Variants in DENND4B observed in about 807,000 individuals in gnomAD.
DENND4B encodes the protein DENN domain-containing protein 4B.
DENND4B carries 67 observed loss-of-function variants against 161.0 expected under a neutral mutation model. That is an observed-to-expected ratio of 0.42 (90% CI 0.34 to 0.51). The LOEUF (loss-of-function observed/expected upper bound fraction) is 0.51. Among genes scored for constraint, DENND4B ranks in the 20% least tolerant of loss-of-function variants. The pLI is 0.08. For synonymous variants in DENND4B, 753 were observed against 813.8 expected (o/e 0.93, Z 1.27); for missense variants, 1,481 against 1,968.0 (o/e 0.75, Z 4.68).
rs769389265 is a variant in DENND4B, at chr1:153,936,602, C to T, written c.2379G>A (p.Leu793=). 1.9e-6 allele frequency: 3 copies of T among 1,612,204 alleles called. No individual in the cohort carries two copies. The highest frequency in any genetic ancestry group is 2.5e-6 in the Non-Finnish European group (3 of 1,178,984). The change falls in exon 16 of 28, where the codon CTG becomes CTA. Residue 793 remains leucine, a synonymous_variant. Transcript: ENST00000361217. The surrounding 1 kb of genome is among the most constrained non-coding windows in gnomAD (Gnocchi z 4.1). ...GGCGCAGCACATGGTAGGCTGTGTG[C>T]AGTGCCTGCACTCGGGAGGGTGCCG... The part of the protein sequence containing the change: ...VRSAPSRVQA[L]HTAYHVLRQM...
Position 153,946,145 on chromosome 1 carries a change from C to A in DENND4B, c.-24+156G>T, listed in dbSNP as rs1012720902. Among the ~76,000 whole-genome samples, 10 of 152,220 alleles carry A rather than the reference C, an allele frequency of 6.6e-5. No individual in the cohort carries two copies. Among genetic ancestry groups the A allele is most frequent in the African/African-American group, 2.4e-4 (10 of 41,560 alleles). ...CACGGCGAGCTAATTGCGGGAGGTG[C>A]CCTCCCCTCCACTTTCACTTCCCCA... On this transcript the variant is annotated intron_variant, in intron 1 of 27. Coordinates refer to ENST00000361217, the MANE Select transcript of DENND4B (RefSeq NM_014856.3). The surrounding 1 kb of genome is among the most constrained non-coding windows in gnomAD (Gnocchi z 6.3).
Position 153,934,976 on chromosome 1 carries a change from A to G in DENND4B, c.2569-12T>C. 1 of 1,608,542 alleles carries G rather than the reference A, an allele frequency of 6.2e-7. No homozygotes were observed. Among genetic ancestry groups the G allele is most frequent in the Non-Finnish European group, 8.5e-7 (1 of 1,179,528 alleles). ...CTTTCCAACACAGCCTACCAAGCAC[A>G]GTGCCCATCAGGATGGCCTACCTCG... On this transcript the variant is annotated splice_polypyrimidine_tract_variant and intron_variant, in intron 17 of 27. Coordinates refer to ENST00000361217, the MANE Select transcript of DENND4B (RefSeq NM_014856.3). The surrounding 1 kb of genome is among the most constrained non-coding windows in gnomAD (Gnocchi z 5.3).
intron 13 of DENND4B, among the ~76,000 whole-genome samples, chr1:153,938,624 C>A (rs1373469314): frequency 6.6e-6 from 1 of 151,506 alleles, no homozygotes; most frequent in Non-Finnish European, 1.5e-5. Flanking sequence ...ATGGCGTGAA[C>A]CCGGGAGGCA....
chr1:153,937,660 G>A lies in DENND4B; in HGVS notation c.2106-46C>T, dbSNP rs779653494. ...AACATCGGGGCAGTCAGCACAGGGC[G>A]AAGCGAGTTGGACTGGACCAGTCTA... On this transcript the variant is annotated intron_variant, in intron 14 of 27. Coordinates refer to ENST00000361217, the MANE Select transcript of DENND4B (RefSeq NM_014856.3). This position sits in a 1 kb window ranked among gnomAD's most constrained non-coding sequence, Gnocchi z 4.7. 12 of 1,612,602 alleles carry A rather than the reference G, an allele frequency of 7.4e-6. No homozygotes were observed. Among genetic ancestry groups the A allele is most frequent in the East Asian group, 4.5e-5 (2 of 44,868 alleles).
In DENND4B at chr1:153,934,218, G is replaced by A; in HGVS notation, c.2858C>T (p.Ser953Leu). ...ACTCTTCACCAGGCGTCCAGGGGGT[G>A]AGGCTGGGTCTCTCAGACTTCGCCC... Reference protein sequence around the residue: ...WAGRSLRDPASPPGRLVKSGS... With the variant: ...WAGRSLRDPALPPGRLVKSGS... The change falls in exon 19 of 28, where the codon TCA (serine) becomes TTA (leucine). Residue 953 changes from serine to leucine, a missense_variant. Physicochemically the swap from Ser to Leu is moderately radical, Grantham distance 145. Around this residue, in one of 3 missense-constraint regions of DENND4B, gnomAD observed 339 missense variants for 330.3 expected, o/e 1.03. Transcript: ENST00000361217. The surrounding 1 kb of genome is among the most constrained non-coding windows in gnomAD (Gnocchi z 5.3). The A allele has an allele frequency of 1.9e-6, 3 of 1,605,710 alleles. No individual in the cohort carries two copies. The highest frequency in any genetic ancestry group is 2.2e-5 in the East Asian group (1 of 44,650).
chr1:153,940,897 C>A lies in DENND4B; in HGVS notation c.1326+7G>T. The A allele has an allele frequency of 6.4e-7, 1 of 1,561,956 alleles. No individual in the cohort carries two copies. Among genetic ancestry groups the A allele is most frequent in the Non-Finnish European group, 8.6e-7 (1 of 1,157,488 alleles). ...GGGGAAGATGGGCCAGGCGGGGCGG[C>A]ACTCACCGAGACGAGGGCCTCACAG... On this transcript the variant is annotated splice_region_variant and intron_variant, in intron 9 of 27. Transcript: ENST00000361217. This position sits in a 1 kb window ranked among gnomAD's most constrained non-coding sequence, Gnocchi z 5.6.
Position 153,932,814 on chromosome 1 carries a change from C to G in DENND4B, c.3624-37G>C, listed in dbSNP as rs1173905335. The G allele has an allele frequency of 6.2e-7, 1 of 1,613,260 alleles. No homozygotes were observed. The highest frequency in any genetic ancestry group is 1.1e-5 in the South Asian group (1 of 91,030). On this transcript the variant is annotated intron_variant, in intron 22 of 27. Transcript: ENST00000361217. This position sits in a 1 kb window ranked among gnomAD's most constrained non-coding sequence, Gnocchi z 5.8. ...TAGCAGCAGGGGTCAGCTTTTGGACCTTCACCTCCCTATTCCCACCCACAG... is the reference window on the plus strand; with the variant it reads ...TAGCAGCAGGGGTCAGCTTTTGGACGTTCACCTCCCTATTCCCACCCACAG...
chr1:153,933,183 G>GTGTGTGCTATGT lies in DENND4B; in HGVS notation c.3453+13_3453+14insACATAGCACACA. Reference sequence around the variant, plus strand: ...TGTGTTCAAGCACATCTGTGTGGGAGGGGTTATCCTCACTTCCAGGGAAGG... The same window carrying GTGTGTGCTATGT: ...TGTGTTCAAGCACATCTGTGTGGGAGTGTGTGCTATGTGGGTTATCCTCACTTCCAGGGAAGG... On this transcript the variant is annotated intron_variant, in intron 21 of 27. Coordinates refer to ENST00000361217, the MANE Select transcript of DENND4B (RefSeq NM_014856.3). The surrounding 1 kb of genome is among the most constrained non-coding windows in gnomAD (Gnocchi z 5.7). The GTGTGTGCTATGT allele has an allele frequency of 6.2e-7, 1 of 1,612,864 alleles. No individual in the cohort carries two copies. Among genetic ancestry groups the GTGTGTGCTATGT allele is most frequent in the East Asian group, 2.2e-5 (1 of 44,838 alleles).
At position 153,929,697 on chromosome 1, in the gene DENND4B, T is replaced by G. The variant is rs1307277925; in HGVS notation, c.*600A>C. 1.3e-5 allele frequency: 2 copies of G among 152,314 alleles called. No individual in the cohort carries two copies. Among genetic ancestry groups the G allele is most frequent in the African/African-American group, 2.4e-5 (1 of 41,412 alleles). 9.4% of individuals were successfully genotyped at this position (152,314 alleles called of 1,614,324 possible). The stretch of plus-strand genomic sequence containing the variant: ...TCCTCTAGCTCCCAGTGCCTGACTT[T>G]GAAGGAACTACAAACCACCGGACCA... On this transcript the variant is annotated 3_prime_UTR_variant, in exon 28 of 28. Coordinates refer to ENST00000361217, the MANE Select transcript of DENND4B (RefSeq NM_014856.3).
chr1:153,939,475 G>A (rs1449344964), intron 12 of DENND4B, 114 bp downstream of exon 12: 2 of 1,199,704 alleles, frequency 1.7e-6, no homozygotes, highest in Non-Finnish European at 2.3e-6. Context: ...CATTTGCCTA[G>A]TGAAGGAATA....
chr1:153,942,344 C>T lies in DENND4B; in HGVS notation c.653G>A (p.Arg218His), dbSNP rs756739318. ...TLVYEAELLG[R>H]YPEEDNEAFP... ...CGCCTCATTGTCCTCCTCCGGGTAGCGGCCCAGCAGCTCTGCACCCCCAGC... is the reference window on the plus strand; with the variant it reads ...CGCCTCATTGTCCTCCTCCGGGTAGTGGCCCAGCAGCTCTGCACCCCCAGC... The change falls in exon 5 of 28, where the codon CGC becomes CAC. Residue 218 changes from arginine to histidine, a missense_variant. By Grantham distance (29) the Arg-to-His change is conservative. Around this residue, in one of 3 missense-constraint regions of DENND4B, gnomAD observed 806 missense variants for 1,134.4 expected, o/e 0.71. Coordinates refer to ENST00000361217, the MANE Select transcript of DENND4B (RefSeq NM_014856.3). The surrounding 1 kb of genome is among the most constrained non-coding windows in gnomAD (Gnocchi z 6.9). 2.5e-6 allele frequency: 4 copies of T among 1,611,508 alleles called. No individual in the cohort carries two copies. Among genetic ancestry groups the T allele is most frequent in the Admixed American group, 3.3e-5 (2 of 59,844 alleles).
rs776536222 is a variant in DENND4B, at chr1:153,944,370, G to A, written c.5C>T (p.Ala2Val). The A allele has an allele frequency of 1.0e-5, 16 of 1,603,958 alleles. No homozygotes were observed. The highest frequency in any genetic ancestry group is 9.0e-5 in the East Asian group (4 of 44,442). The change falls in exon 2 of 28, where the codon GCG becomes GTG. Residue 2 changes from alanine to valine, a missense_variant. Ala to Val is a moderately conservative substitution (Grantham distance 64, BLOSUM62 0). This residue lies in a region of DENND4B where 806 missense variants were observed against 1,134.4 expected (regional missense o/e 0.71). Transcript: ENST00000361217. This position sits in a 1 kb window ranked among gnomAD's most constrained non-coding sequence, Gnocchi z 4.8. Reference sequence around the variant, plus strand: ...CACCAGCCGGGGGGGCCGCTCCTCCGCCATGGCCCCCCCCTCACTCACTGC... The same window carrying A: ...CACCAGCCGGGGGGGCCGCTCCTCCACCATGGCCCCCCCCTCACTCACTGC... M[A>V]EERPPRLVDY...
Position 153,934,319 on chromosome 1 carries a change from G to A in DENND4B, c.2774-17C>T, listed in dbSNP as rs1452619290. On this transcript the variant is annotated splice_polypyrimidine_tract_variant and intron_variant, in intron 18 of 27. Transcript: ENST00000361217. This position sits in a 1 kb window ranked among gnomAD's most constrained non-coding sequence, Gnocchi z 5.3. ...AATAGGGCTCTGTAAAAGACGAGAA[G>A]GGGTTTAGAGGCGGCCAGCTAGGAA... 8 of 1,562,302 alleles carry A rather than the reference G, an allele frequency of 5.1e-6. No individual in the cohort carries two copies. The highest frequency in any genetic ancestry group is 1.7e-4 in the Middle Eastern group (1 of 5,944).
Position 153,942,676 on chromosome 1 carries a change from C to T in DENND4B, c.571-51G>A. The T allele has an allele frequency of 6.6e-7, 1 of 1,519,578 alleles. No individual in the cohort carries two copies. The highest frequency in any genetic ancestry group is 8.8e-7 in the Non-Finnish European group (1 of 1,135,730). The allele number at this position is 1,519,578 out of a possible 1,614,324, so 94.1% of individuals were successfully genotyped here. A position where few individuals can be genotyped will look rare whatever the true frequency, so the allele number is the denominator to read the frequency against. On this transcript the variant is annotated intron_variant, in intron 3 of 27. Transcript: ENST00000361217. This position sits in a 1 kb window ranked among gnomAD's most constrained non-coding sequence, Gnocchi z 6.9. ...GCAGATACATAGCTAACAAAGGTTT[C>T]TGGGGTCCACTTTCTCTCTACCACC...
chr1:153,944,376 GC>G lies in DENND4B; in HGVS notation c.-3del, dbSNP rs770832731. 3.4e-5 allele frequency: 54 copies of G among 1,599,202 alleles called. No individual in the cohort carries two copies. The highest frequency in any genetic ancestry group is 1.1e-4 in the South Asian group (10 of 89,204). ...CCGGGGGGGCCGCTCCTCCGCCATG[GC>G]CCCCCCCTCACTCACTGCATCTGGA... On this transcript the variant is annotated 5_prime_UTR_variant, in exon 2 of 28. Transcript: ENST00000361217. The surrounding 1 kb of genome is among the most constrained non-coding windows in gnomAD (Gnocchi z 4.8).
Position 153,940,442 on chromosome 1 carries a change from G to A in DENND4B, c.1491C>T (p.Asn497=). The A allele has an allele frequency of 1.9e-6, 3 of 1,612,486 alleles. No homozygotes were observed. Among genetic ancestry groups the A allele is most frequent in the Non-Finnish European group, 2.5e-6 (3 of 1,179,236 alleles). ...ADVICVDLDT[N]TLFQTEEKKL... ...ACCCAGCCTCTTACTGGAAGAGCGT[G>A]TTGGTATCAAGGTCTACACAGATGA... Residue 497 remains asparagine (N), a synonymous_variant, in exon 10 of 28, where the codon AAC becomes AAT. Transcript: ENST00000361217. The surrounding 1 kb of genome is among the most constrained non-coding windows in gnomAD (Gnocchi z 5.6).
rs1167088354 is a variant in DENND4B at position 153,930,779 on chromosome 1, C to T, written c.4193G>A (p.Arg1398His). Residue 1398 changes from arginine (R) to histidine (H), a missense_variant, in exon 26 of 28, where the codon CGC becomes CAC. Transcript: ENST00000361217. This position sits in a 1 kb window ranked among gnomAD's most constrained non-coding sequence, Gnocchi z 4.7. Reference sequence around the variant, plus strand: ...GTGCACTTCATTGAGTCCAACATGGCGCAGCACTGACTCCAACAGTGCCAA... The same window carrying T: ...GTGCACTTCATTGAGTCCAACATGGTGCAGCACTGACTCCAACAGTGCCAA... ...LSLALLESVLRHVGLNEVHKA... is the reference protein window; with the variant it reads ...LSLALLESVLHHVGLNEVHKA... The T allele has an allele frequency of 1.9e-6, 3 of 1,608,620 alleles. No individual in the cohort carries two copies. Among genetic ancestry groups the T allele is most frequent in the African/African-American group, 1.3e-5 (1 of 74,850 alleles).
chr1:153,933,872 C>T lies in DENND4B; in HGVS notation c.2942-1G>A. 1 of 1,605,984 alleles carries T rather than the reference C, an allele frequency of 6.2e-7. No individual in the cohort carries two copies. The highest frequency in any genetic ancestry group is 8.5e-7 in the Non-Finnish European group (1 of 1,177,846). ...TCCAGGACCCCCAAGGCCTCTATCA[C>T]TGCAGCACAGAAAAGAATGAGGGAA... On this transcript the variant is annotated splice_acceptor_variant, in intron 19 of 27. Coordinates refer to ENST00000361217, the MANE Select transcript of DENND4B (RefSeq NM_014856.3). LOFTEE classifies it high-confidence loss of function. The surrounding 1 kb of genome is among the most constrained non-coding windows in gnomAD (Gnocchi z 5.7).
chr1:153,937,429 A>AAGC lies in DENND4B; in HGVS notation c.2232+56_2232+58dup, dbSNP rs1008338093. ...ACCCATTTTGTAGATGAGGAAACTG[A>AAGC]AGCAGCAGCAGCCTTCAGCCTGATC... On this transcript the variant is annotated intron_variant, in intron 15 of 27. Transcript: ENST00000361217. The surrounding 1 kb of genome is among the most constrained non-coding windows in gnomAD (Gnocchi z 4.7). 6 of 1,462,912 alleles carry AAGC rather than the reference A, an allele frequency of 4.1e-6. No individual in the cohort carries two copies. The highest frequency in any genetic ancestry group is 2.4e-4 in the Middle Eastern group (1 of 4,184). 90.6% of individuals were successfully genotyped at this position (1,462,912 alleles called of 1,614,324 possible). A position where few individuals can be genotyped will look rare whatever the true frequency, so the allele number is the denominator to read the frequency against.
Sources: gnomAD v4.1 joint callset for allele counts (sites outside exome capture counted in the v4.1 genomes callset) on GRCh38, gnomAD v4.1.1 for gene constraint, gnomAD v4.1.1 regional missense constraint, Gnocchi (gnomAD v3.1) non-coding constraint, MANE v1.5 for transcripts, NCBI Gene and HGNC (gene_info 2026-07-23, HGNC 2026-07-21) for gene names.